Variants in MAGI1 observed in about 807,000 individuals in gnomAD.
MAGI1 encodes membrane associated guanylate kinase, WW and PDZ domain containing 1, also known as membrane-associated guanylate kinase, WW and PDZ domain-containing protein 1.
In MAGI1, 58 loss-of-function variants were observed where a neutral mutation model predicts 139.9. The observed-to-expected ratio is 0.41, with a 90% CI of 0.34 to 0.52. The LOEUF (loss-of-function observed/expected upper bound fraction) is 0.52. Ranked by LOEUF, MAGI1 falls within the 20% of genes least tolerant of loss-of-function variation. The pLI is 0.12. For missense variants in MAGI1, 1,874 were observed against 1,901.6 expected (o/e 0.99, Z 0.27); for synonymous variants, 812 against 737.9 (o/e 1.10, Z -1.63).
At chr3:65,569,240 G>A (rs57589873) in intron 2 of MAGI1, among the ~76,000 whole-genome samples, 2,093 of 152,256 alleles carry the variant, frequency 0.014, 42 homozygotes, top group African/African-American at 0.042. Context: ...TCAAATTCAT[G>A]GAGACAGAAA....
chr3:65,768,524 TG>T (rs2037682757), intron 1 of MAGI1, among the ~76,000 whole-genome samples: 2 of 152,240 alleles, frequency 1.3e-5, no homozygotes, highest in African/African-American at 4.8e-5. Flanking sequence ...CTTCATTGTT[TG>T]GCTTCACTAA....
chr3:65,869,215 C>T (rs2059835969), intron 1 of MAGI1, among the ~76,000 whole-genome samples: 1 of 143,930 alleles, frequency 6.9e-6, no homozygotes, highest in Admixed American at 7.0e-5. Flanking sequence ...GAGATCGCGC[C>T]ACTGCACTCC....
At position 65,593,905 on chromosome 3, in the gene MAGI1, G is replaced by A. The variant is rs111597624; in HGVS notation, c.430+28067C>T. On this transcript the variant is annotated intron_variant, in intron 2 of 22. Coordinates refer to ENST00000402939, the MANE Select transcript of MAGI1 (RefSeq NM_001033057.2). ...AAGAAATATGTTTTTTTCTTTTCCT[G>A]CCCTTTCAGGTCAGATAATCATTTA... is the stretch of plus-strand genomic sequence containing the variant. Among the ~76,000 whole-genome samples, 978 of 152,120 alleles carry A rather than the reference G, an allele frequency of 6.4e-3. 15 individuals carry two copies. Among genetic ancestry groups the A allele is most frequent in the African/African-American group, 0.022 (927 of 41,520 alleles).
chr3:65,585,532 G>T (rs947881712), intron 2 of MAGI1, among the ~76,000 whole-genome samples: 1 of 152,194 alleles, frequency 6.6e-6, no homozygotes, highest in African/African-American at 2.4e-5. Context: ...GGCAGGTGAA[G>T]ATGCAGAGCT....
intron 14 of MAGI1, among the ~76,000 whole-genome samples, chr3:65,388,734 G>A (rs1452654789): frequency 6.6e-6 from 1 of 150,852 alleles, no homozygotes; most frequent in East Asian, 1.9e-4. Context: ...CAACTACAGA[G>A]ACTCCAATTA....
intron 3 of MAGI1, among the ~76,000 whole-genome samples, chr3:65,492,933 C>T (rs529338042): frequency 6.6e-6 from 1 of 151,992 alleles, no homozygotes; most frequent in East Asian, 1.9e-4. Flanking sequence ...AAAAAATTAG[C>T]CGGGCATGGT....
At chr3:65,637,001 C>T (rs2084665393) in intron 1 of MAGI1, among the ~76,000 whole-genome samples, 1 of 152,182 alleles carries the variant, frequency 6.6e-6, no homozygotes, top group African/African-American at 2.4e-5. Context: ...GTGCCACTGC[C>T]ATCTTGGGCA....
intron 1 of MAGI1, among the ~76,000 whole-genome samples, chr3:65,706,214 C>T (rs1204894384): frequency 6.6e-6 from 1 of 152,098 alleles, no homozygotes; most frequent in Non-Finnish European, 1.5e-5. Flanking sequence ...GGATTTAAAA[C>T]AAAATAATCT....
At chr3:65,437,962 G>GAA (rs1947965738) in intron 9 of MAGI1, among the ~76,000 whole-genome samples, 1 of 152,192 alleles carries the variant, frequency 6.6e-6, no homozygotes, top group African/African-American at 2.4e-5. Context: ...CTTATACACT[G>GAA]TCGATGAGAA....
At chr3:65,938,337 T>C (rs2063157912) in intron 1 of MAGI1, among the ~76,000 whole-genome samples, 1 of 148,262 alleles carries the variant, frequency 6.7e-6, no homozygotes, top group East Asian at 1.9e-4. Flanking sequence ...AATATAAATA[T>C]ATTAAATGAA....
At chr3:65,560,852 A>G (rs1004911980) in intron 2 of MAGI1, among the ~76,000 whole-genome samples, 7 of 152,240 alleles carry the variant, frequency 4.6e-5, no homozygotes, top group Admixed American at 4.6e-4. Flanking sequence ...ATTAGTCCAG[A>G]TGGGAACTAC....
chr3:65,429,502 C>T lies in MAGI1; in HGVS notation c.2167+18G>A. Reference sequence around the variant, plus strand: ...TGGGATAAAAAAAAAATTCAAAGAACAAAACAACCCTACTTACCTCCTCGT... The same window carrying T: ...TGGGATAAAAAAAAAATTCAAAGAATAAAACAACCCTACTTACCTCCTCGT... On this transcript the variant is annotated intron_variant, in intron 12 of 22. Transcript: ENST00000402939. 1 of 1,565,444 alleles carries T rather than the reference C, an allele frequency of 6.4e-7. No individual in the cohort carries two copies. The highest frequency in any genetic ancestry group is 1.2e-5 in the South Asian group (1 of 83,970).
At chr3:65,481,994 T>C (rs1318191451) in intron 3 of MAGI1, among the ~76,000 whole-genome samples, 1 of 152,238 alleles carries the variant, frequency 6.6e-6, no homozygotes, top group Non-Finnish European at 1.5e-5. Flanking sequence ...GTAGATAATA[T>C]TAGATTGAAC....
intron 5 of MAGI1, among the ~76,000 whole-genome samples, chr3:65,463,843 G>T (rs1575849252): frequency 6.6e-6 from 1 of 152,136 alleles, no homozygotes; most frequent in East Asian, 1.9e-4. Flanking sequence ...CTTCTTCCTG[G>T]TTTAGTCTTG....
chr3:65,711,312 G>GTT (rs1233268058), intron 1 of MAGI1, among the ~76,000 whole-genome samples: 9 of 152,178 alleles, frequency 5.9e-5, no homozygotes, highest in African/African-American at 2.2e-4. Flanking sequence ...TGAGGTTGAA[G>GTT]TTTGGAAGCC....
chr3:65,529,323 A>T lies in MAGI1; in HGVS notation c.431-35692T>A, dbSNP rs77487064. On this transcript the variant is annotated intron_variant, in intron 2 of 22. Transcript: ENST00000402939. ...TCACTATCTAGTTCTGGAACATTTCATCACCACAAACAGAAACTCCATACC... is the reference window on the plus strand; with the variant it reads ...TCACTATCTAGTTCTGGAACATTTCTTCACCACAAACAGAAACTCCATACC... Among the ~76,000 whole-genome samples, 1,118 of 152,254 alleles carry T rather than the reference A, an allele frequency of 7.3e-3. 18 individuals carry two copies. Among genetic ancestry groups the T allele is most frequent in the African/African-American group, 0.025 (1,028 of 41,536 alleles).
At chr3:65,407,235 T>C (rs1413666575) in intron 12 of MAGI1, among the ~76,000 whole-genome samples, 1 of 151,906 alleles carries the variant, frequency 6.6e-6, no homozygotes, top group African/African-American at 2.4e-5. Flanking sequence ...TCACCTGAGG[T>C]CAAGAGTTTG....
chr3:65,750,146 C>T lies in MAGI1; in HGVS notation c.314-128058G>A, dbSNP rs538446777. On this transcript the variant is annotated intron_variant, in intron 1 of 22. Coordinates refer to ENST00000402939, the MANE Select transcript of MAGI1 (RefSeq NM_001033057.2). ...ATGGCATAAATCCACTGGCAAACAC[C>T]AAAACAAGATGGTCCCGTAATTGGC... 2.0e-5 allele frequency among the ~76,000 whole-genome samples: 3 copies of T among 152,168 alleles called. No homozygotes were observed. The East Asian group carries it at 5.8e-4, about 29-fold the overall frequency.
intron 1 of MAGI1, among the ~76,000 whole-genome samples, chr3:65,764,202 T>C (rs2037286065): frequency 6.6e-6 from 1 of 151,732 alleles, no homozygotes; most frequent in Admixed American, 6.6e-5. Flanking sequence ...GTAATAAAAA[T>C]TTCTAGTTCC....
Sources: allele counts gnomAD v4.1 joint callset (sites outside exome capture counted in the v4.1 genomes callset), GRCh38; gene constraint gnomAD v4.1.1; transcripts MANE v1.5; gene names NCBI Gene and HGNC (gene_info 2026-07-23, HGNC 2026-07-21).